ATG2A: variants seen among roughly 807,000 people sequenced by gnomAD.
ATG2A encodes the protein autophagy related 2A, also known as autophagy-related protein 2 homolog A.
Under a neutral mutation model 214.2 loss-of-function variants are expected in ATG2A, and 103 were observed. The observed-to-expected ratio is 0.48, with a 90% CI of 0.41 to 0.57. The LOEUF (loss-of-function observed/expected upper bound fraction) is 0.57. ATG2A is among the 20% of genes least tolerant of loss of function. The pLI, the probability that ATG2A is intolerant of heterozygous loss-of-function variation, is 0.00. For synonymous variants in ATG2A, 1,160 were observed against 1,142.1 expected, an observed-to-expected ratio of 1.02 and a Z score of -0.32; for missense variants, 2,312 against 2,613.2, an observed-to-expected ratio of 0.88 and a Z score of 2.51.
chr11:64,904,352 C>T (rs1944463193), intron 24 of ATG2A, among the ~76,000 whole-genome samples: 1 of 152,022 alleles, frequency 6.6e-6, no homozygotes, highest in Non-Finnish European at 1.5e-5. Flanking sequence ...CGAGACCAGC[C>T]TGACCAACAA....
chr11:64,901,202 A>T (rs79672196), intron 29 of ATG2A, 110 bp from the exon 30 acceptor site: 57,717 of 1,131,746 alleles, frequency 0.051, 2,651 homozygotes, highest in African/African-American at 0.2. Flanking sequence ...TTTTATAGAC[A>T]GGGTCGGGTC....
rs1442276046 is a variant in ATG2A, at chr11:64,911,965, C to G, written c.1105G>C (p.Ala369Pro). ...GAGGCCACACTGCTTGTGAGGCCAG[C>G]CATGGAGAAGAAGAGGTCTGTGGGT... The part of the protein sequence containing the change: ...LDNTDLFFSM[A>P]GLTSSVASAL... Residue 369 changes from alanine to proline, a missense_variant, in exon 9 of 41, where the codon GCT (alanine) becomes CCT (proline). Physicochemically the swap from Ala to Pro is conservative, Grantham distance 27. Transcript: ENST00000377264. 3 of 1,613,656 alleles carry G rather than the reference C, an allele frequency of 1.9e-6. No homozygotes were observed. Among genetic ancestry groups the G allele is most frequent in the African/African-American group, 2.7e-5 (2 of 74,924 alleles).
intron 19 of ATG2A, 145 bp from the exon 20 acceptor site, chr11:64,906,960 C>G: frequency 9.1e-7 from 1 of 1,104,810 alleles, no homozygotes; most frequent in Non-Finnish European, 1.3e-6. Context: ...CTGGATGGCA[C>G]TTGCCTCTTT....
intron 24 of ATG2A, among the ~76,000 whole-genome samples, chr11:64,904,489 C>T (rs1290996695): frequency 3.3e-5 from 5 of 151,052 alleles, no homozygotes; most frequent in South Asian, 4.2e-4. Flanking sequence ...AGGTTGCAGT[C>T]GGCTGAGATT....
chr11:64,900,752 T>A (rs372912875), intron 30 of ATG2A, 123 bp from the exon 31 acceptor site: 80 of 1,442,184 alleles, frequency 5.5e-5, no homozygotes, highest in East Asian at 3.5e-4. Context: ...GCAGGCGGGA[T>A]AAGGAAGGAT....
Position 64,901,085 on chromosome 11 carries a change from T to A in ATG2A, c.4127A>T (p.Asp1376Val). 7 of 1,563,252 alleles carry A rather than the reference T, an allele frequency of 4.5e-6. No individual in the cohort carries two copies. The highest frequency in any genetic ancestry group is 6.1e-6 in the Non-Finnish European group (7 of 1,154,238). ...DAPGLGIPPRDGEPVVTQLHP... is the reference protein window; with the variant it reads ...DAPGLGIPPRVGEPVVTQLHP... The stretch of plus-strand genomic sequence containing the variant: ...CAGCTGTGTCACCACAGGCTCCCCA[T>A]CTCGGGGCTGCAGGGAGGCCAGGTA... Residue 1376 changes from aspartate to valine, a missense_variant, in exon 30 of 41, where the codon GAT (aspartate) becomes GTT (valine). By Grantham distance (152) the Asp-to-Val change is radical. Transcript: ENST00000377264.
chr11:64,907,661 G>A lies in ATG2A; in HGVS notation c.2511C>T (p.Ile837=), dbSNP rs1417813753. Residue 837 remains isoleucine, a synonymous_variant, in exon 18 of 41, where the codon ATC becomes ATT. Coordinates refer to ENST00000377264, the MANE Select transcript of ATG2A (RefSeq NM_015104.3). ...KEVYESIYNR[I]NNDLLMWEPA... is the part of the protein sequence containing the mutation. Reference sequence around the variant, plus strand: ...GCTCCCACATGAGCAGGTCGTTGTTGATCCTGAGATAGGCGGGTGGACAGC... The same window carrying A: ...GCTCCCACATGAGCAGGTCGTTGTTAATCCTGAGATAGGCGGGTGGACAGC... 1.2e-6 allele frequency: 2 copies of A among 1,601,936 alleles called. No individual in the cohort carries two copies. Among genetic ancestry groups the A allele is most frequent in the Non-Finnish European group, 1.7e-6 (2 of 1,173,844 alleles).
In ATG2A at chr11:64,912,260, G is replaced by T; in HGVS notation, c.923-11C>A. ...CCAGGCCCTCGTGGTCTGCAGGGGA[G>T]GAGACTTCAGTCTGGGCTGGCTGGC... is the stretch of plus-strand genomic sequence containing the variant. On this transcript the variant is annotated splice_polypyrimidine_tract_variant and intron_variant, in intron 7 of 40. Coordinates refer to ENST00000377264, the MANE Select transcript of ATG2A (RefSeq NM_015104.3). The T allele has an allele frequency of 6.2e-7, 1 of 1,610,684 alleles. No homozygotes were observed. The highest frequency in any genetic ancestry group is 8.5e-7 in the Non-Finnish European group (1 of 1,177,902).
Position 64,897,715 on chromosome 11 carries a change from TG to T in ATG2A, c.5022del (p.Ile1675SerfsTer33). 6.2e-7 allele frequency: 1 copy of T among 1,614,222 alleles called. No individual in the cohort carries two copies. Among genetic ancestry groups the T allele is most frequent in the East Asian group, 2.2e-5 (1 of 44,888 alleles). ...TGCTTGCCATGGTAATCCAGCCAGATGGGGACCTCAGACGTGAAGCGGAACT... is the reference window on the plus strand; with the variant it reads ...TGCTTGCCATGGTAATCCAGCCAGATGGGACCTCAGACGTGAAGCGGAACT... ...FREFRFTSEV[P>X]IWLDYHGKHV... On this transcript the variant is annotated frameshift_variant, in exon 36 of 41. Transcript: ENST00000377264. LOFTEE classifies it high-confidence loss of function.
At chr11:64,914,696 G>T (rs1364893886) in intron 1 of ATG2A, among the ~76,000 whole-genome samples, 196 bp from the exon 2 acceptor site, 1 of 151,924 alleles carries the variant, frequency 6.6e-6, no homozygotes, top group Non-Finnish European at 1.5e-5. Context: ...ACCCAAAGGT[G>T]CCTAATCCTT....
intron 31 of ATG2A, among the ~76,000 whole-genome samples, chr11:64,899,774 G>T (rs774403342): frequency 6.6e-6 from 1 of 151,942 alleles, no homozygotes; most frequent in Non-Finnish European, 1.5e-5. Context: ...TTCGTCTCTT[G>T]TAAGACTCAA....
Position 64,906,478 on chromosome 11 carries a change from G to T in ATG2A, c.3039C>A (p.Pro1013=). 1 of 1,613,374 alleles carries T rather than the reference G, an allele frequency of 6.2e-7. No homozygotes were observed. Among genetic ancestry groups the T allele is most frequent in the African/African-American group, 1.3e-5 (1 of 75,046 alleles). The change falls in exon 21 of 41, where the codon CCC becomes CCA. Residue 1013 remains proline (P), a synonymous_variant. Transcript: ENST00000377264. ...PSHLDLPSFA[P]PAQLAPTIYP... is the part of the protein sequence containing the mutation. ...AGATGGTTGGGGCCAGCTGAGCCGG[G>T]GGAGCGAAACTGGGAAGGTCCAGGT... is the stretch of plus-strand genomic sequence containing the variant.
At chr11:64,910,360 T>C (rs1369606294) in intron 12 of ATG2A, among the ~76,000 whole-genome samples, 165 bp from the exon 13 acceptor site, 1 of 152,164 alleles carries the variant, frequency 6.6e-6, no homozygotes, top group Non-Finnish European at 1.5e-5. Flanking sequence ...TGTTTACTTA[T>C]AAAAGCCACC....
rs779416616 is a variant in ATG2A, at chr11:64,895,159, A to G, written c.5631T>C (p.His1877=). Residue 1877 remains histidine, a synonymous_variant, in exon 41 of 41, where the codon CAT becomes CAC. Transcript: ENST00000377264. The surrounding 1 kb of genome is among the most constrained non-coding windows in gnomAD (Gnocchi z 5.0). Reference sequence around the variant, plus strand: ...CGGCGCCCGTCAGCCCCTTCTGCTCATGGCCCCGCGATGCCACGTCACAGA... The same window carrying G: ...CGGCGCCCGTCAGCCCCTTCTGCTCGTGGCCCCGCGATGCCACGTCACAGA... ...QTICDVASRG[H]EQKGLTGAVG... is the part of the protein sequence containing the mutation. 1.9e-6 allele frequency: 3 copies of G among 1,613,092 alleles called. No homozygotes were observed. The highest frequency in any genetic ancestry group is 2.5e-6 in the Non-Finnish European group (3 of 1,179,662).
intron 37 of ATG2A, 87 bp downstream of exon 37, chr11:64,897,325 A>C (rs893834275): frequency 5.5e-6 from 8 of 1,457,156 alleles, no homozygotes; most frequent in Non-Finnish European, 7.5e-6. Flanking sequence ...AAGGGTGATG[A>C]CTTGGCCAAG....
rs1258917844 is a variant in ATG2A, at chr11:64,900,478, TCG to T, written c.4464+14_4464+15del. The T allele has an allele frequency of 2.7e-5, 43 of 1,612,974 alleles. No homozygotes were observed. Among genetic ancestry groups the T allele is most frequent in the Non-Finnish European group, 3.6e-5 (42 of 1,180,012 alleles). Reference sequence around the variant, plus strand: ...TATGACACACACGTGTAGTAGGCACTCGCCACCCCACTCACCTTGCTCAGCTG... The same window carrying T: ...TATGACACACACGTGTAGTAGGCACTCCACCCCACTCACCTTGCTCAGCTG... On this transcript the variant is annotated intron_variant, in intron 31 of 40. Transcript: ENST00000377264.
At chr11:64,907,052 G>C (rs775419065) in intron 19 of ATG2A, among the ~76,000 whole-genome samples, 2 of 152,232 alleles carry the variant, frequency 1.3e-5, no homozygotes, top group East Asian at 3.8e-4. Flanking sequence ...CCGACCCCTA[G>C]CATGGTGCTT....
chr11:64,911,430 C>T (rs1944770286), intron 9 of ATG2A, among the ~76,000 whole-genome samples, 155 bp from the exon 10 acceptor site: 1 of 152,002 alleles, frequency 6.6e-6, no homozygotes, highest in African/African-American at 2.4e-5. Flanking sequence ...GACACTGGTG[C>T]CTCCAGTAGA....
Position 64,913,420 on chromosome 11 carries a change from GC to G in ATG2A, c.591-20del. 6.4e-7 allele frequency: 1 copy of G among 1,555,810 alleles called. No individual in the cohort carries two copies. The highest frequency in any genetic ancestry group is 8.7e-7 in the Non-Finnish European group (1 of 1,148,146). On this transcript the variant is annotated intron_variant, in intron 4 of 40. Coordinates refer to ENST00000377264, the MANE Select transcript of ATG2A (RefSeq NM_015104.3). The surrounding 1 kb of genome is among the most constrained non-coding windows in gnomAD (Gnocchi z 4.3). Reference sequence around the variant, plus strand: ...CTCCAGTCTGGAGAGTGTAGGGTCAGCCCGTGCCCTGGCCACCCCAGGCCTG... The same window carrying G: ...CTCCAGTCTGGAGAGTGTAGGGTCAGCCGTGCCCTGGCCACCCCAGGCCTG...
Sources: gnomAD v4.1 joint callset for allele counts (sites outside exome capture counted in the v4.1 genomes callset) on GRCh38, gnomAD v4.1.1 for gene constraint, Gnocchi (gnomAD v3.1) non-coding constraint, MANE v1.5 for transcripts, NCBI Gene and HGNC (gene_info 2026-07-23, HGNC 2026-07-21) for gene names.